The following SLC24A4 variants were observed in gnomAD, a reference collection of about 807,000 sequenced individuals.
The protein encoded by SLC24A4 is sodium/potassium/calcium exchanger 4.
SLC24A4 carries 53 observed loss-of-function variants against 79.0 expected under a neutral mutation model. That is an observed-to-expected ratio of 0.67 (90% CI 0.54 to 0.84). The LOEUF (loss-of-function observed/expected upper bound fraction) is 0.84, where lower values mean the gene tolerates loss of function less well. SLC24A4 is among the 40% of genes least tolerant of loss of function. The pLI is 0.00. For missense variants in SLC24A4, 731 were observed against 822.0 expected (o/e 0.89, Z 1.35); for synonymous variants, 323 against 323.8 (o/e 1.00, Z 0.03).
chr14:92,472,740 A>G (rs1339292048), intron 12 of SLC24A4, among the ~76,000 whole-genome samples: 2 of 152,244 alleles, frequency 1.3e-5, no homozygotes, highest in East Asian at 1.9e-4. Context: ...TTGTACTGCC[A>G]TAAACATGTG....
At chr14:92,324,944 T>C (rs1051586858) in intron 1 of SLC24A4, among the ~76,000 whole-genome samples, 1 of 152,234 alleles carries the variant, frequency 6.6e-6, no homozygotes, top group Non-Finnish European at 1.5e-5. Context: ...TCAAAATAAC[T>C]GCCTTTCGAA....
At chr14:92,395,217 C>T (rs932643602) in intron 2 of SLC24A4, among the ~76,000 whole-genome samples, 6 of 152,178 alleles carry the variant, frequency 3.9e-5, no homozygotes, top group Admixed American at 3.9e-4. Flanking sequence ...GCCTGACCCA[C>T]AGTAGGGGCT....
intron 12 of SLC24A4, among the ~76,000 whole-genome samples, chr14:92,460,603 A>G (rs1893743572): frequency 1.3e-5 from 2 of 152,180 alleles, no homozygotes; most frequent in African/African-American, 4.8e-5. Context: ...TGATCCTCTC[A>G]GTCAGTAAAC....
At chr14:92,474,513 C>T (rs1050660995) in intron 12 of SLC24A4, among the ~76,000 whole-genome samples, 1 of 151,860 alleles carries the variant, frequency 6.6e-6, no homozygotes, top group African/African-American at 2.4e-5. Flanking sequence ...GAGATGGAGT[C>T]TTGCTTTATT....
In SLC24A4 at chr14:92,401,182, C is replaced by A. The variant is rs556350266; in HGVS notation, c.242-32730C>A. ...CCCCTGCCTCTTAGAGTTGACTTAG[C>A]CAGCAACACTTGCAAATCAAGTCGA... is the stretch of plus-strand genomic sequence containing the variant. On this transcript the variant is annotated intron_variant, in intron 2 of 16. Transcript: ENST00000532405. Among the ~76,000 whole-genome samples, 11 of 152,222 alleles carry A rather than the reference C, an allele frequency of 7.2e-5. No individual in the cohort carries two copies. The South Asian group carries it at 2.1e-3, about 29-fold the overall frequency.
intron 2 of SLC24A4, among the ~76,000 whole-genome samples, chr14:92,351,885 GAAGGAAGGAAGGA>G (rs905938851): frequency 2.3e-4 from 31 of 134,528 alleles, no homozygotes; most frequent in African/African-American, 8.6e-4. Context: ...AAAAAGGAAA[GAAGGAAGGAAGGA>G]AAGGAAGGAA....
At chr14:92,329,391 G>A (rs4900114) in intron 2 of SLC24A4, among the ~76,000 whole-genome samples, 76,921 of 152,138 alleles carry the variant, frequency 0.51, 19,845 homozygotes, top group Middle Eastern at 0.66. Flanking sequence ...TGAAGATTCT[G>A]CATGGAAAAC....
chr14:92,323,819 A>AGGCGCTCCGGGAT lies in SLC24A4; in HGVS notation c.-2_11dup, dbSNP rs750856357. ...CCATCCTCTCCCAGAGACGGCACCC[A>AGGCGCTCCGGGAT]GGCGCTCCGGGATGGCGCTCCGCGG... On this transcript the variant is annotated 5_prime_UTR_variant, in exon 1 of 17. The change creates a new upstream start codon in the 5' untranslated region. Coordinates refer to ENST00000532405, the MANE Select transcript of SLC24A4 (RefSeq NM_153646.4). This position sits in a 1 kb window ranked among gnomAD's most constrained non-coding sequence, Gnocchi z 4.9. 62 of 1,560,546 alleles carry AGGCGCTCCGGGAT rather than the reference A, an allele frequency of 4.0e-5. No homozygotes were observed. The highest frequency in any genetic ancestry group is 5.3e-5 in the Non-Finnish European group (61 of 1,160,440).
intron 2 of SLC24A4, among the ~76,000 whole-genome samples, chr14:92,352,331 G>A (rs113371208): frequency 7.6e-4 from 116 of 152,298 alleles, no homozygotes; most frequent in African/African-American, 2.5e-3. Context: ...GATGGATGAG[G>A]GGACTGGCAG....
At chr14:92,329,058 TG>T (rs1359394267) in intron 2 of SLC24A4, among the ~76,000 whole-genome samples, 1 of 152,234 alleles carries the variant, frequency 6.6e-6, no homozygotes, top group East Asian at 1.9e-4. Context: ...GCACAGTTGG[TG>T]GGGTTTCCTC....
At chr14:92,456,744 T>G in intron 12 of SLC24A4, 136 bp downstream of exon 12, 1 of 894,234 alleles carries the variant, frequency 1.1e-6, no homozygotes. Flanking sequence ...ATTAGGTCAC[T>G]GGAATGCTTA....
intron 2 of SLC24A4, among the ~76,000 whole-genome samples, chr14:92,376,387 C>T (rs1346950881): frequency 1.3e-5 from 2 of 152,254 alleles, no homozygotes; most frequent in African/African-American, 2.4e-5. Flanking sequence ...CCCTTGGTCA[C>T]ATGGGTGCAG....
chr14:92,410,095 T>G (rs1890626226), intron 2 of SLC24A4, among the ~76,000 whole-genome samples: 1 of 152,206 alleles, frequency 6.6e-6, no homozygotes, highest in Non-Finnish European at 1.5e-5. Context: ...GCTTAATACC[T>G]GGGTGATGAA....
intron 10 of SLC24A4, among the ~76,000 whole-genome samples, chr14:92,449,536 A>G (rs1156566798): frequency 6.6e-6 from 1 of 152,170 alleles, no homozygotes; most frequent in East Asian, 1.9e-4. Flanking sequence ...TTGGCTCTTC[A>G]GAATGCAGTG....
intron 10 of SLC24A4, chr14:92,451,369 A>C (rs891455515): frequency 1.3e-5 from 2 of 152,300 alleles, no homozygotes; most frequent in African/African-American, 4.8e-5. Context: ...AGGAGGAAGG[A>C]GCCCCCGGTA....
chr14:92,395,136 C>G (rs919742394), intron 2 of SLC24A4, among the ~76,000 whole-genome samples: 3 of 152,162 alleles, frequency 2.0e-5, no homozygotes, highest in Non-Finnish European at 4.4e-5. Flanking sequence ...AAATTGTCAT[C>G]TTATTTTCTT....
intron 2 of SLC24A4, among the ~76,000 whole-genome samples, chr14:92,352,216 C>G (rs1196338631): frequency 1.3e-5 from 2 of 152,078 alleles, no homozygotes; most frequent in African/African-American, 4.8e-5. Flanking sequence ...GGGAGGCAAT[C>G]AGCATAGAAT....
chr14:92,453,219 G>C (rs1292238211), intron 10 of SLC24A4: 1 of 152,204 alleles, frequency 6.6e-6, no homozygotes, highest in East Asian at 1.9e-4. Flanking sequence ...AGGGTGTCAG[G>C]GTTTATAGTC....
intron 2 of SLC24A4, among the ~76,000 whole-genome samples, chr14:92,331,872 A>G (rs958818514): frequency 2.0e-5 from 3 of 152,224 alleles, no homozygotes; most frequent in African/African-American, 7.2e-5. Flanking sequence ...GCTTCCACTT[A>G]CTGAATAAAT....
Sources: allele counts gnomAD v4.1 joint callset (sites outside exome capture counted in the v4.1 genomes callset), GRCh38; gene constraint gnomAD v4.1.1; non-coding constraint Gnocchi (gnomAD v3.1); transcripts MANE v1.5; gene names NCBI Gene and HGNC (gene_info 2026-07-23, HGNC 2026-07-21).